The following RRAGA variants were observed in gnomAD, a reference collection of about 807,000 sequenced individuals.
RRAGA encodes Ras related GTP binding A.
In RRAGA, 11 loss-of-function variants were observed where a neutral mutation model predicts 20.5. That is an observed-to-expected ratio of 0.54 (90% CI 0.34 to 0.89). The LOEUF (loss-of-function observed/expected upper bound fraction) is 0.89. Ranked by LOEUF, RRAGA falls within the 40% of genes least tolerant of loss-of-function variation. The pLI is 0.02. For missense variants in RRAGA, 214 were observed against 400.7 expected, an observed-to-expected ratio of 0.53 and a Z score of 3.98; for synonymous variants, 184 against 155.4, an observed-to-expected ratio of 1.18 and a Z score of -1.37.
At position 19,050,367 on chromosome 9, in the gene RRAGA, A is replaced by G; in HGVS notation, c.708A>G (p.Lys236=). ...HRFEKISNII[K]QFKLSCSKLA... ...TTGAGAAGATCAGCAACATCATCAAACAGTTCAAGCTGAGCTGCAGTAAAT... is the reference window on the plus strand; with the variant it reads ...TTGAGAAGATCAGCAACATCATCAAGCAGTTCAAGCTGAGCTGCAGTAAAT... Residue 236 remains lysine, a synonymous_variant, in exon 1 of 1, where the codon AAA becomes AAG. Transcript: ENST00000380527. The G allele has an allele frequency of 1.9e-6, 3 of 1,614,214 alleles. No individual in the cohort carries two copies. Among genetic ancestry groups the G allele is most frequent in the Non-Finnish European group, 2.5e-6 (3 of 1,180,040 alleles).
rs1175120087 is a variant in RRAGA, at chr9:19,049,956, G to A, written c.297G>A (p.Leu99=). 2 of 1,614,130 alleles carry A rather than the reference G, an allele frequency of 1.2e-6. No homozygotes were observed. The highest frequency in any genetic ancestry group is 2.2e-5 in the East Asian group (1 of 44,872). ...TGTTTGACGTGGAGAGCCGCGAACTGGAAAAGGACATGCATTATTACCAGT... is the reference window on the plus strand; with the variant it reads ...TGTTTGACGTGGAGAGCCGCGAACTAGAAAAGGACATGCATTATTACCAGT... ...IYVFDVESRE[L]EKDMHYYQSC... is the part of the protein sequence containing the mutation. Residue 99 remains leucine (L), a synonymous_variant, in exon 1 of 1, where the codon CTG becomes CTA. Coordinates refer to ENST00000380527, the MANE Select transcript of RRAGA (RefSeq NM_006570.5). The surrounding 1 kb of genome is among the most constrained non-coding windows in gnomAD (Gnocchi z 5.4).
chr9:19,051,004 T>TA lies in RRAGA; in HGVS notation c.*406dup, dbSNP rs1836339493. The TA allele has an allele frequency of 5.6e-6, 1 of 179,370 alleles. No individual in the cohort carries two copies. The allele number at this position is 179,370 out of a possible 1,614,324, so 11.1% of individuals were successfully genotyped here. On this transcript the variant is annotated 3_prime_UTR_variant, in exon 1 of 1. Transcript: ENST00000380527. ...AATTCTTCTTGGCTTCATTCATGAA[T>TA]AAACGTGTTAGCAATTTAAAACATG...
Position 19,049,619 on chromosome 9 carries a change from G to C in RRAGA, c.-41G>C. The C allele has an allele frequency of 6.6e-7, 1 of 1,506,150 alleles. No homozygotes were observed. The highest frequency in any genetic ancestry group is 9.1e-7 in the Non-Finnish European group (1 of 1,104,406). The allele number at this position is 1,506,150 out of a possible 1,614,324, so 93.3% of individuals were successfully genotyped here. A position where few individuals can be genotyped will look rare whatever the true frequency, so the allele number is the denominator to read the frequency against. Reference sequence around the variant, plus strand: ...GACCCCTCCCTCGGCGCTGCGTGTAGGCCGCGCCCTCAGGCCCAGTCCGCG... The same window carrying C: ...GACCCCTCCCTCGGCGCTGCGTGTACGCCGCGCCCTCAGGCCCAGTCCGCG... On this transcript the variant is annotated 5_prime_UTR_variant, in exon 1 of 1. Transcript: ENST00000380527. The surrounding 1 kb of genome is among the most constrained non-coding windows in gnomAD (Gnocchi z 5.4).
Position 19,050,192 on chromosome 9 carries a change from A to G in RRAGA, c.533A>G (p.Tyr178Cys), listed in dbSNP as rs1191289417. ...TLYKAWSSIV[Y>C]QLIPNVQQLE... ...TACAAAGCCTGGTCCAGCATCGTCTACCAGCTGATTCCCAACGTTCAGCAG... is the reference window on the plus strand; with the variant it reads ...TACAAAGCCTGGTCCAGCATCGTCTGCCAGCTGATTCCCAACGTTCAGCAG... The change falls in exon 1 of 1, where the codon TAC becomes TGC. Residue 178 changes from tyrosine (Y) to cysteine (C), a missense_variant. Around this residue, in one of 4 missense-constraint regions of RRAGA, gnomAD observed 88 missense variants for 169.9 expected, o/e 0.52. Coordinates refer to ENST00000380527, the MANE Select transcript of RRAGA (RefSeq NM_006570.5). 10 of 1,614,054 alleles carry G rather than the reference A, an allele frequency of 6.2e-6. No homozygotes were observed. Among genetic ancestry groups the G allele is most frequent in the Non-Finnish European group, 8.5e-6 (10 of 1,180,014 alleles).
rs1395718519 is a variant in RRAGA at position 19,050,013 on chromosome 9, T to C, written c.354T>C (p.Pro118=). 1 of 1,614,042 alleles carries C rather than the reference T, an allele frequency of 6.2e-7. No individual in the cohort carries two copies. The highest frequency in any genetic ancestry group is 2.2e-5 in the East Asian group (1 of 44,884). ...TGGAGGCCATCCTCCAGAACTCTCC[T>C]GACGCCAAAATCTTCTGCCTGGTGC... The part of the protein sequence containing the change: ...SCLEAILQNS[P]DAKIFCLVHK... The change falls in exon 1 of 1, where the codon CCT becomes CCC. Residue 118 remains proline, a synonymous_variant. Transcript: ENST00000380527.
In RRAGA at chr9:19,049,825, C is replaced by T. The variant is rs1190797702; in HGVS notation, c.166C>T (p.Leu56=). 6.2e-7 allele frequency: 1 copy of T among 1,614,188 alleles called. No homozygotes were observed. The highest frequency in any genetic ancestry group is 8.5e-7 in the Non-Finnish European group (1 of 1,180,048). The change falls in exon 1 of 1, where the codon CTG becomes TTG. Residue 56 remains leucine, a synonymous_variant. Transcript: ENST00000380527. The surrounding 1 kb of genome is among the most constrained non-coding windows in gnomAD (Gnocchi z 5.4). ...EHSHVRFLGN[L]VLNLWDCGGQ... is the part of the protein sequence containing the mutation. ...CTCCCACGTCCGATTCCTAGGGAACCTGGTGCTGAACCTGTGGGACTGTGG... is the reference window on the plus strand; with the variant it reads ...CTCCCACGTCCGATTCCTAGGGAACTTGGTGCTGAACCTGTGGGACTGTGG...
rs144345924 is a variant in RRAGA at position 19,050,634 on chromosome 9, A to AT, written c.*35dup. The AT allele has an allele frequency of 3.9e-3, 6,241 of 1,588,058 alleles. 7 individuals are homozygous for AT. The highest frequency in any genetic ancestry group is 4.6e-3 in the Non-Finnish European group (5,298 of 1,160,142). ...CAAATGCTCTTTCTGAAAATGCTGA[A>AT]TTGCCTTTTTTGTTTGCATCCTTTA... On this transcript the variant is annotated 3_prime_UTR_variant, in exon 1 of 1. Coordinates refer to ENST00000380527, the MANE Select transcript of RRAGA (RefSeq NM_006570.5).
At position 19,049,573 on chromosome 9, in the gene RRAGA, T is replaced by G. The variant is rs531335718; in HGVS notation, c.-87T>G. On this transcript the variant is annotated 5_prime_UTR_variant, in exon 1 of 1. Coordinates refer to ENST00000380527, the MANE Select transcript of RRAGA (RefSeq NM_006570.5). This position sits in a 1 kb window ranked among gnomAD's most constrained non-coding sequence, Gnocchi z 5.4. ...CGGCGGAGCGGAGCGAGGCGCGGCC[T>G]GCGAGTCCCCGGCAGCCCCCGACCC... 3.0e-6 allele frequency: 3 copies of G among 1,001,926 alleles called. No individual in the cohort carries two copies. Among genetic ancestry groups the G allele is most frequent in the Non-Finnish European group, 4.3e-6 (3 of 695,060 alleles). 62.1% of individuals were successfully genotyped at this position (1,001,926 alleles called of 1,614,324 possible).
Position 19,050,045 on chromosome 9 carries a change from TG to T in RRAGA, c.388del (p.Asp130IlefsTer10), listed in dbSNP as rs1836318824. The T allele has an allele frequency of 6.2e-7, 1 of 1,613,968 alleles. No individual in the cohort carries two copies. Among genetic ancestry groups the T allele is most frequent in the South Asian group, 1.1e-5 (1 of 91,082 alleles). On this transcript the variant is annotated frameshift_variant, in exon 1 of 1. Coordinates refer to ENST00000380527, the MANE Select transcript of RRAGA (RefSeq NM_006570.5). LOFTEE classifies it high-confidence loss of function. ...DAKIFCLVHK[M>X]DLVQEDQRDL... ...AAAATCTTCTGCCTGGTGCACAAAATGGATCTGGTTCAGGAGGATCAGCGTG... is the reference window on the plus strand; with the variant it reads ...AAAATCTTCTGCCTGGTGCACAAAATGATCTGGTTCAGGAGGATCAGCGTG...
At position 19,049,992 on chromosome 9, in the gene RRAGA, G is replaced by A. The variant is rs1335177977; in HGVS notation, c.333G>A (p.Glu111=). The change falls in exon 1 of 1, where the codon GAG becomes GAA. Residue 111 remains glutamate, a synonymous_variant. Coordinates refer to ENST00000380527, the MANE Select transcript of RRAGA (RefSeq NM_006570.5). The surrounding 1 kb of genome is among the most constrained non-coding windows in gnomAD (Gnocchi z 5.4). The part of the protein sequence containing the change: ...KDMHYYQSCL[E]AILQNSPDAK... ...TGCATTATTACCAGTCGTGTCTGGA[G>A]GCCATCCTCCAGAACTCTCCTGACG... 1.2e-6 allele frequency: 2 copies of A among 1,614,142 alleles called. No homozygotes were observed. Among genetic ancestry groups the A allele is most frequent in the Non-Finnish European group, 8.5e-7 (1 of 1,180,018 alleles).
rs774585115 is a variant in RRAGA, at chr9:19,050,897, C to G, written c.*296C>G. The G allele has an allele frequency of 1.6e-5, 5 of 319,434 alleles. No homozygotes were observed. Among genetic ancestry groups the G allele is most frequent in the Non-Finnish European group, 3.1e-5 (5 of 162,166 alleles). The allele number at this position is 319,434 out of a possible 1,614,324, so 19.8% of individuals were successfully genotyped here. A position where few individuals can be genotyped will look rare whatever the true frequency, so the allele number is the denominator to read the frequency against. ...ATAGATATGCACATCAAAGCCTTTA[C>G]CAGTATCTTCCTGTATTCCGTATCA... is the stretch of plus-strand genomic sequence containing the variant. On this transcript the variant is annotated 3_prime_UTR_variant, in exon 1 of 1. Transcript: ENST00000380527.
chr9:19,050,737 C>G lies in RRAGA; in HGVS notation c.*136C>G, dbSNP rs1439865220. On this transcript the variant is annotated 3_prime_UTR_variant, in exon 1 of 1. Coordinates refer to ENST00000380527, the MANE Select transcript of RRAGA (RefSeq NM_006570.5). ...TGCTTACTCCTTTCATCTTTCTCCC[C>G]GCTTCCCCAGTCTTTAAACATTGGA... 4.1e-5 allele frequency: 33 copies of G among 813,098 alleles called. No individual in the cohort carries two copies. Among genetic ancestry groups the G allele is most frequent in the Admixed American group, 5.6e-5 (2 of 35,542 alleles). 50.4% of individuals were successfully genotyped at this position (813,098 alleles called of 1,614,324 possible).
rs1254295710 is a variant in RRAGA at position 19,049,509 on chromosome 9, C to G, written c.-151C>G. 3.3e-6 allele frequency: 2 copies of G among 604,190 alleles called. No homozygotes were observed. The highest frequency in any genetic ancestry group is 2.0e-5 in the African/African-American group (1 of 50,502). 37.4% of individuals were successfully genotyped at this position (604,190 alleles called of 1,614,324 possible). On this transcript the variant is annotated 5_prime_UTR_variant, in exon 1 of 1. Transcript: ENST00000380527. The surrounding 1 kb of genome is among the most constrained non-coding windows in gnomAD (Gnocchi z 5.4). ...AGCCCGTCCGCGGCCTCTCCAGCCC[C>G]GGGTTCGCGCTCTCGACTCTCCTGC...
chr9:19,049,448 C>G lies in RRAGA; in HGVS notation c.-212C>G, dbSNP rs1459300325. 1.3e-5 allele frequency: 6 copies of G among 454,698 alleles called. No individual in the cohort carries two copies. Among genetic ancestry groups the G allele is most frequent in the African/African-American group, 2.1e-5 (1 of 47,944 alleles). The allele number at this position is 454,698 out of a possible 1,614,324, so 28.2% of individuals were successfully genotyped here. On this transcript the variant is annotated 5_prime_UTR_variant, in exon 1 of 1. Coordinates refer to ENST00000380527, the MANE Select transcript of RRAGA (RefSeq NM_006570.5). The surrounding 1 kb of genome is among the most constrained non-coding windows in gnomAD (Gnocchi z 5.4). ...GAGCGTATCTCCCGAGCCGTTGCCA[C>G]TGACAGCCGCGGGCGCTCCCATCTG... is the stretch of plus-strand genomic sequence containing the variant.
chr9:19,050,315 G>A lies in RRAGA; in HGVS notation c.656G>A (p.Cys219Tyr). Reference protein sequence around the residue: ...ATFLVISHYQCKEQRDVHRFE... With the variant: ...ATFLVISHYQYKEQRDVHRFE... The stretch of plus-strand genomic sequence containing the variant: ...TTCTTGGTTATTTCCCACTACCAGT[G>A]CAAAGAGCAGCGCGACGTCCACCGG... The change falls in exon 1 of 1, where the codon TGC becomes TAC. Residue 219 changes from cysteine to tyrosine, a missense_variant. By Grantham distance (194) the Cys-to-Tyr change is radical (BLOSUM62 -2). Around this residue, in one of 4 missense-constraint regions of RRAGA, gnomAD observed 88 missense variants for 169.9 expected, o/e 0.52. Coordinates refer to ENST00000380527, the MANE Select transcript of RRAGA (RefSeq NM_006570.5). 6.2e-7 allele frequency: 1 copy of A among 1,614,126 alleles called. No homozygotes were observed. The highest frequency in any genetic ancestry group is 8.5e-7 in the Non-Finnish European group (1 of 1,180,024).
Position 19,049,445 on chromosome 9 carries a change from C to T in RRAGA, c.-215C>T, listed in dbSNP as rs529377345. On this transcript the variant is annotated 5_prime_UTR_variant, in exon 1 of 1. Transcript: ENST00000380527. This position sits in a 1 kb window ranked among gnomAD's most constrained non-coding sequence, Gnocchi z 5.4. ...AGCGAGCGTATCTCCCGAGCCGTTG[C>T]CACTGACAGCCGCGGGCGCTCCCAT... 4.4e-4 allele frequency: 199 copies of T among 451,388 alleles called. 2 individuals carry two copies. In the East Asian group the frequency reaches 7.5e-3, roughly 17 times the overall value. The allele number at this position is 451,388 out of a possible 1,614,324, so 28.0% of individuals were successfully genotyped here.
rs201417292 is a variant in RRAGA, at chr9:19,049,836, C to T, written c.177C>T (p.Asn59=). The T allele has an allele frequency of 8.7e-6, 14 of 1,614,138 alleles. No individual in the cohort carries two copies. In the East Asian group the frequency reaches 2.5e-4, roughly 28 times the overall value. Residue 59 remains asparagine, a synonymous_variant, in exon 1 of 1, where the codon AAC becomes AAT. Transcript: ENST00000380527. The surrounding 1 kb of genome is among the most constrained non-coding windows in gnomAD (Gnocchi z 5.4). Reference sequence around the variant, plus strand: ...GATTCCTAGGGAACCTGGTGCTGAACCTGTGGGACTGTGGCGGTCAGGACA... The same window carrying T: ...GATTCCTAGGGAACCTGGTGCTGAATCTGTGGGACTGTGGCGGTCAGGACA... ...HVRFLGNLVL[N]LWDCGGQDTF...
In RRAGA at chr9:19,049,580, C is replaced by G; in HGVS notation, c.-80C>G. The G allele has an allele frequency of 9.4e-7, 1 of 1,062,154 alleles. No individual in the cohort carries two copies. Among genetic ancestry groups the G allele is most frequent in the Admixed American group, 2.8e-5 (1 of 35,140 alleles). The allele number at this position is 1,062,154 out of a possible 1,614,324, so 65.8% of individuals were successfully genotyped here. Reference sequence around the variant, plus strand: ...GCGGAGCGAGGCGCGGCCTGCGAGTCCCCGGCAGCCCCCGACCCCTCCCTC... The same window carrying G: ...GCGGAGCGAGGCGCGGCCTGCGAGTGCCCGGCAGCCCCCGACCCCTCCCTC... On this transcript the variant is annotated 5_prime_UTR_variant, in exon 1 of 1. Coordinates refer to ENST00000380527, the MANE Select transcript of RRAGA (RefSeq NM_006570.5). The surrounding 1 kb of genome is among the most constrained non-coding windows in gnomAD (Gnocchi z 5.4).
rs1176349844 is a variant in RRAGA, at chr9:19,050,313, G to A, written c.654G>A (p.Gln218=). Residue 218 remains glutamine, a synonymous_variant, in exon 1 of 1, where the codon CAG becomes CAA. Coordinates refer to ENST00000380527, the MANE Select transcript of RRAGA (RefSeq NM_006570.5). ...CATTCTTGGTTATTTCCCACTACCA[G>A]TGCAAAGAGCAGCGCGACGTCCACC... The part of the protein sequence containing the change: ...RATFLVISHY[Q]CKEQRDVHRF... 6.2e-7 allele frequency: 1 copy of A among 1,614,050 alleles called. No homozygotes were observed. Among genetic ancestry groups the A allele is most frequent in the East Asian group, 2.2e-5 (1 of 44,894 alleles).
Sources: gnomAD v4.1 joint callset for allele counts on GRCh38, gnomAD v4.1.1 for gene constraint, gnomAD v4.1.1 regional missense constraint, Gnocchi (gnomAD v3.1) non-coding constraint, MANE v1.5 for transcripts, NCBI Gene and HGNC (gene_info 2026-07-23, HGNC 2026-07-21) for gene names.